Variants in DCLK3 observed in about 807,000 individuals in gnomAD.
DCLK3 encodes serine/threonine-protein kinase DCLK3.
Under a neutral mutation model 46.4 loss-of-function variants are expected in DCLK3, and 30 were observed. That is an observed-to-expected ratio of 0.65 (90% confidence interval 0.48 to 0.88). DCLK3 has a LOEUF of 0.88. Ranked by LOEUF, DCLK3 falls within the 40% of genes least tolerant of loss-of-function variation. The pLI, the probability that DCLK3 is intolerant of heterozygous loss-of-function variation, is 0.00. For synonymous variants in DCLK3, 401 were observed against 339.2 expected, an observed-to-expected ratio of 1.18 and a Z score of -2.00; for missense variants, 846 against 907.1, an observed-to-expected ratio of 0.93 and a Z score of 0.87.
chr3:36,761,469 C>G (rs1194131519), intron 1 of DCLK3, among the ~76,000 whole-genome samples: 1 of 152,166 alleles, frequency 6.6e-6, no homozygotes, highest in Admixed American at 6.5e-5. Flanking sequence ...TTTCACTTTC[C>G]CTAGATTTCT....
Position 36,764,487 on chromosome 3 carries a change from A to T in DCLK3, c.-224T>A, listed in dbSNP as rs1701569164. ...GAACGTCTCCGGGGGCGCGGGACTTAGCAACCGCGCACCAGCTGCAGCCGC... is the reference window on the plus strand; with the variant it reads ...GAACGTCTCCGGGGGCGCGGGACTTTGCAACCGCGCACCAGCTGCAGCCGC... On this transcript the variant is annotated 5_prime_UTR_variant, in exon 1 of 5. An upstream open reading frame in the 5' UTR loses its in-frame stop. Coordinates refer to ENST00000636136, the MANE Select transcript of DCLK3 (RefSeq NM_001394672.2). The surrounding 1 kb of genome is among the most constrained non-coding windows in gnomAD (Gnocchi z 4.9). 6.1e-6 allele frequency: 1 copy of T among 163,876 alleles called. No individual in the cohort carries two copies. The highest frequency in any genetic ancestry group is 1.3e-5 in the Non-Finnish European group (1 of 76,100). The allele number at this position is 163,876 out of a possible 1,614,324, so 10.2% of individuals were successfully genotyped here.
intron 1 of DCLK3, among the ~76,000 whole-genome samples, chr3:36,759,552 A>G (rs763391835): frequency 6.6e-6 from 1 of 152,244 alleles, no homozygotes; most frequent in Non-Finnish European, 1.5e-5. Flanking sequence ...TTGTTACTGC[A>G]GCAAAGCTTA....
At chr3:36,763,216 T>C (rs899145648) in intron 1 of DCLK3, among the ~76,000 whole-genome samples, 2 of 152,178 alleles carry the variant, frequency 1.3e-5, no homozygotes, top group South Asian at 2.1e-4. Context: ...TCTTGGACAA[T>C]ACATCAAGGA....
intron 2 of DCLK3, 133 bp from the exon 3 acceptor site, chr3:36,721,792 A>G: frequency 1.9e-6 from 2 of 1,050,228 alleles, no homozygotes; most frequent in Non-Finnish European, 2.7e-6. Flanking sequence ...TTAGCCCAAC[A>G]CTGACAAAGC....
At position 36,738,484 on chromosome 3, in the gene DCLK3, G is replaced by T. The variant is rs1038821746; in HGVS notation, c.683C>A (p.Thr228Asn). ...KGDHRCGETE[T>N]PKSCSEVAGC... ...TGCAACTTCGCTGCAGCTCTTGGGG[G>T]TCTCGGTCTCCCCACAGCGGTGGTC... The change falls in exon 2 of 5, where the codon ACC becomes AAC. Residue 228 changes from threonine to asparagine, a missense_variant. Coordinates refer to ENST00000636136, the MANE Select transcript of DCLK3 (RefSeq NM_001394672.2). 4.7e-6 allele frequency: 7 copies of T among 1,489,088 alleles called. No individual in the cohort carries two copies. The highest frequency in any genetic ancestry group is 2.9e-5 in the African/African-American group (2 of 70,044). The allele number at this position is 1,489,088 out of a possible 1,614,324, so 92.2% of individuals were successfully genotyped here. A position where few individuals can be genotyped will look rare whatever the true frequency, so the allele number is the denominator to read the frequency against.
Position 36,753,999 on chromosome 3 carries a change from T to C in DCLK3, c.82+10183A>G, listed in dbSNP as rs535440878. On this transcript the variant is annotated intron_variant, in intron 1 of 4. Coordinates refer to ENST00000636136, the MANE Select transcript of DCLK3 (RefSeq NM_001394672.2). ...CCAGCCTGTTCCCCACTTCTTAATA[T>C]GAGTATGTATTCCTGTCTTTCATTC... Among the ~76,000 whole-genome samples the C allele has an allele frequency of 7.2e-5, 11 of 152,316 alleles. No homozygotes were observed. The East Asian group carries it at 2.1e-3, about 29-fold the overall frequency.
At chr3:36,759,755 T>A (rs1701521946) in intron 1 of DCLK3, among the ~76,000 whole-genome samples, 1 of 152,172 alleles carries the variant, frequency 6.6e-6, no homozygotes, top group African/African-American at 2.4e-5. Context: ...TCTTCTGCCC[T>A]CCTCCAATCC....
intron 4 of DCLK3, among the ~76,000 whole-genome samples, chr3:36,717,490 TAG>T (rs1700998774): frequency 6.6e-6 from 1 of 152,010 alleles, no homozygotes; most frequent in African/African-American, 2.4e-5. Flanking sequence ...GACAAATCAG[TAG>T]AGACAAGGGG....
chr3:36,748,978 C>T (rs1043987187), intron 1 of DCLK3, among the ~76,000 whole-genome samples: 1 of 152,136 alleles, frequency 6.6e-6, no homozygotes, highest in African/African-American at 2.4e-5. Flanking sequence ...TTGACCAGAC[C>T]TCCCCCTGGG....
chr3:36,756,007 A>T (rs1190570326), intron 1 of DCLK3, among the ~76,000 whole-genome samples: 1 of 152,190 alleles, frequency 6.6e-6, no homozygotes, highest in African/African-American at 2.4e-5. Flanking sequence ...CAGTGGCCAG[A>T]GCTGGTCACA....
rs768443574 is a variant in DCLK3 at position 36,724,670 on chromosome 3, A to G, written c.1960-3011T>C. Among the ~76,000 whole-genome samples the G allele has an allele frequency of 6.6e-5, 10 of 152,212 alleles. No individual in the cohort carries two copies. The South Asian group carries it at 8.3e-4, about 13-fold the overall frequency. ...TTGCCTGCTGCCATCCATGTAAGATATGACTTGCTCCTCCTTGCCTTCCAC... is the reference window on the plus strand; with the variant it reads ...TTGCCTGCTGCCATCCATGTAAGATGTGACTTGCTCCTCCTTGCCTTCCAC... On this transcript the variant is annotated intron_variant, in intron 2 of 4. Transcript: ENST00000636136.
chr3:36,719,092 T>A (rs1701025069), intron 3 of DCLK3, among the ~76,000 whole-genome samples: 1 of 152,208 alleles, frequency 6.6e-6, no homozygotes, highest in Admixed American at 6.5e-5. Flanking sequence ...TTTACTAATT[T>A]TTTTACAGCT....
At chr3:36,716,629 A>G (rs1293782092) in intron 4 of DCLK3, among the ~76,000 whole-genome samples, 1 of 152,230 alleles carries the variant, frequency 6.6e-6, no homozygotes, top group Non-Finnish European at 1.5e-5. Flanking sequence ...CTCCTTGGCC[A>G]CTTTATGGCA....
At chr3:36,760,408 T>C (rs1364701162) in intron 1 of DCLK3, among the ~76,000 whole-genome samples, 1 of 145,990 alleles carries the variant, frequency 6.8e-6, no homozygotes, top group African/African-American at 2.6e-5. Flanking sequence ...TTCTCACTCA[T>C]AGGTGGGAAT....
At chr3:36,751,191 T>G (rs921193550) in intron 1 of DCLK3, among the ~76,000 whole-genome samples, 2 of 151,502 alleles carry the variant, frequency 1.3e-5, no homozygotes, top group African/African-American at 4.9e-5. Flanking sequence ...CTGGGTTTGG[T>G]TTTCCCCTAA....
At chr3:36,762,369 G>A (rs1008375986) in intron 1 of DCLK3, among the ~76,000 whole-genome samples, 20 of 152,188 alleles carry the variant, frequency 1.3e-4, no homozygotes, top group Admixed American at 5.9e-4. Flanking sequence ...GAATTCCTAT[G>A]AAAGTGTATT....
chr3:36,746,919 T>A (rs1466433282), intron 1 of DCLK3, among the ~76,000 whole-genome samples: 1 of 152,236 alleles, frequency 6.6e-6, no homozygotes, highest in Non-Finnish European at 1.5e-5. Context: ...AGGTCCCAGA[T>A]GATGCTGATG....
At chr3:36,751,063 T>TAAAAAAAAAAAAAAAAAAAAAAAAAAAA (rs5847933) in intron 1 of DCLK3, among the ~76,000 whole-genome samples, 2 of 76,476 alleles carry the variant, frequency 2.6e-5, no homozygotes, top group Non-Finnish European at 4.5e-5. Flanking sequence ...CGGGATGATC[T>TAAAAAAAAAAAAAAAAAAAAAAAAAAAA]AAAAAAAAAA....
In DCLK3 at chr3:36,764,537, C is replaced by A. The variant is rs1034786369; in HGVS notation, c.-274G>T. Among the ~76,000 whole-genome samples the A allele has an allele frequency of 2.0e-5, 3 of 152,158 alleles. No individual in the cohort carries two copies. The highest frequency in any genetic ancestry group is 4.4e-5 in the Non-Finnish European group (3 of 68,002). Reference sequence around the variant, plus strand: ...CCCTCTCTGCGCCGGTCCCGCCATGCGCGCCGCTCCTGGCCCTGGAGGCCG... The same window carrying A: ...CCCTCTCTGCGCCGGTCCCGCCATGAGCGCCGCTCCTGGCCCTGGAGGCCG... On this transcript the variant is annotated 5_prime_UTR_variant, in exon 1 of 5. Coordinates refer to ENST00000636136, the MANE Select transcript of DCLK3 (RefSeq NM_001394672.2). This position sits in a 1 kb window ranked among gnomAD's most constrained non-coding sequence, Gnocchi z 4.9.
Sources: allele counts gnomAD v4.1 joint callset (sites outside exome capture counted in the v4.1 genomes callset), GRCh38; gene constraint gnomAD v4.1.1; non-coding constraint Gnocchi (gnomAD v3.1); transcripts MANE v1.5; gene names NCBI Gene and HGNC (gene_info 2026-07-23, HGNC 2026-07-21).